Variants in OAF observed in about 807,000 individuals in gnomAD.
OAF encodes out at first homolog, also known as out at first protein homolog.
In OAF, 13 loss-of-function variants were observed where a neutral mutation model predicts 22.5. The observed-to-expected ratio is 0.58, with a 90% CI of 0.38 to 0.92. The LOEUF (loss-of-function observed/expected upper bound fraction) is 0.92. Among genes scored for constraint, OAF ranks in the 40% least tolerant of loss-of-function variants. OAF has a pLI of 0.00. For synonymous variants in OAF, 175 were observed against 170.5 expected (o/e 1.03, Z -0.21); for missense variants, 347 against 381.8 (o/e 0.91, Z 0.76).
chr11:120,211,553 G>GC, intron 1 of OAF, 43 bp downstream of exon 1: 9 of 1,345,236 alleles, frequency 6.7e-6, no homozygotes, highest in Admixed American at 3.0e-5. Context: ...TCAAGCCTGA[G>GC]CCCCCCGGGA....
At chr11:120,219,036 C>T (rs931725161) in intron 1 of OAF, among the ~76,000 whole-genome samples, 15 of 140,510 alleles carry the variant, frequency 1.1e-4, no homozygotes, top group Non-Finnish European at 2.0e-4. Flanking sequence ...CGGGAGGAGG[C>T]GTGTGAGGAG....
rs114218722 is a variant in OAF at position 120,228,675 on chromosome 11, C to T, written c.548-193C>T. Among the ~76,000 whole-genome samples, 887 of 152,280 alleles carry T rather than the reference C, an allele frequency of 5.8e-3. 10 individuals carry two copies. Among genetic ancestry groups the T allele is most frequent in the African/African-American group, 0.019 (810 of 41,544 alleles). On this transcript the variant is annotated intron_variant, in intron 3 of 3. Coordinates refer to ENST00000328965, the MANE Select transcript of OAF (RefSeq NM_178507.4). ...ATTCCTATTTAATCTGTTTCTCCCA[C>T]GAGCCCAGCAAGGAGGAGCCTAGTA... is the stretch of plus-strand genomic sequence containing the variant.
At chr11:120,221,663 G>C (rs1388751598) in intron 1 of OAF, among the ~76,000 whole-genome samples, 4 of 152,200 alleles carry the variant, frequency 2.6e-5, no homozygotes, top group Non-Finnish European at 4.4e-5. Context: ...ACTGGCTCCA[G>C]AGCCTTTGTT....
chr11:120,224,345 T>C (rs927242525), intron 1 of OAF, among the ~76,000 whole-genome samples: 12 of 152,156 alleles, frequency 7.9e-5, no homozygotes, highest in African/African-American at 2.9e-4. Context: ...CCTACAAGAG[T>C]AATCCCAGCT....
At chr11:120,217,217 A>G (rs961507118) in intron 1 of OAF, 1 of 152,286 alleles carries the variant, frequency 6.6e-6, no homozygotes, top group African/African-American at 2.4e-5. Context: ...CTACTTGGCC[A>G]TGCCTGCAAC....
chr11:120,218,100 G>A (rs975185168), intron 1 of OAF, among the ~76,000 whole-genome samples: 1 of 152,180 alleles, frequency 6.6e-6, no homozygotes, highest in Non-Finnish European at 1.5e-5. Flanking sequence ...AGTCAGGACA[G>A]TGGTGACCTT....
At chr11:120,227,114 C>A in intron 3 of OAF, 118 bp downstream of exon 3, 1 of 647,910 alleles carries the variant, frequency 1.5e-6, no homozygotes, top group Non-Finnish European at 2.6e-6. Context: ...TTAGCCAAGT[C>A]TCATCATTAG....
Position 120,211,389 on chromosome 11 carries a change from G to C in OAF, c.110G>C (p.Arg37Pro). 1 of 1,478,130 alleles carries C rather than the reference G, an allele frequency of 6.8e-7. No individual in the cohort carries two copies. Among genetic ancestry groups the C allele is most frequent in the South Asian group, 1.3e-5 (1 of 78,092 alleles). The allele number at this position is 1,478,130 out of a possible 1,614,324, so 91.6% of individuals were successfully genotyped here. The change falls in exon 1 of 4, where the codon CGG (arginine) becomes CCG (proline). Residue 37 changes from arginine to proline, a missense_variant. By Grantham distance (103) the Arg-to-Pro change is moderately radical. Coordinates refer to ENST00000328965, the MANE Select transcript of OAF (RefSeq NM_178507.4). ...CCGGCCGAGCTGCGGGTCCGCGTGC[G>C]GCTGCCGGACGGCCAGGTGACCGAG... is the stretch of plus-strand genomic sequence containing the variant. The part of the protein sequence containing the change: ...GAPAELRVRV[R>P]LPDGQVTEES...
intron 3 of OAF, 23 bp from the exon 4 acceptor site, chr11:120,228,845 T>TGATCCTTGCCTCTCTCCCC: frequency 3.2e-6 from 1 of 309,926 alleles, no homozygotes; most frequent in South Asian, 2.2e-5. Context: ...CCTCCCTCCC[T>TGATCCTTGCCTCTCTCCCC]GATCCTTGCC....
intron 1 of OAF, among the ~76,000 whole-genome samples, chr11:120,225,293 C>G (rs1938337987): frequency 6.6e-6 from 1 of 151,990 alleles, no homozygotes; most frequent in African/African-American, 2.4e-5. Context: ...AAAAGAGGAA[C>G]TCTGGAATCG....
chr11:120,229,147 G>A lies in OAF; in HGVS notation c.*5G>A, dbSNP rs1192428589. On this transcript the variant is annotated 3_prime_UTR_variant, in exon 4 of 4. Transcript: ENST00000328965. ...GAGGATCCCTACCCAGGCTAGGGTG[G>A]GAGCAACCTGGCGGGTGGCTGCTCT... is the stretch of plus-strand genomic sequence containing the variant. The A allele has an allele frequency of 6.2e-7, 1 of 1,605,944 alleles. No homozygotes were observed. The highest frequency in any genetic ancestry group is 8.5e-7 in the Non-Finnish European group (1 of 1,174,610).
rs761644882 is a variant in OAF, at chr11:120,227,004, G to T, written c.547+8G>T. ...GGTTCTGGCTGGAGCAAGGTCAGCT[G>T]GGAGCTGGGCACTGCCCGCTGCTGG... On this transcript the variant is annotated splice_region_variant and intron_variant, in intron 3 of 3. Coordinates refer to ENST00000328965, the MANE Select transcript of OAF (RefSeq NM_178507.4). 6.3e-7 allele frequency: 1 copy of T among 1,587,602 alleles called. No individual in the cohort carries two copies. The highest frequency in any genetic ancestry group is 8.6e-7 in the Non-Finnish European group (1 of 1,159,978).
intron 1 of OAF, among the ~76,000 whole-genome samples, chr11:120,219,316 C>T (rs758731036): frequency 6.6e-6 from 1 of 152,082 alleles, no homozygotes; most frequent in African/African-American, 2.4e-5. Context: ...ACGGTGTGCG[C>T]GAATGGGGAA....
chr11:120,229,382 A>T lies in OAF; in HGVS notation c.*240A>T. The T allele has an allele frequency of 5.4e-5, 13 of 240,542 alleles. No individual in the cohort carries two copies. The highest frequency in any genetic ancestry group is 1.3e-4 in the African/African-American group (3 of 23,420). The allele number at this position is 240,542 out of a possible 1,614,324, so 14.9% of individuals were successfully genotyped here. ...TTCCTTGCGGGCAGAGAGGGAGAGA[A>T]GGGCTCCCCAGATCTACACCCCTCC... On this transcript the variant is annotated 3_prime_UTR_variant, in exon 4 of 4. Coordinates refer to ENST00000328965, the MANE Select transcript of OAF (RefSeq NM_178507.4).
chr11:120,226,807 C>G lies in OAF; in HGVS notation c.367-9C>G, dbSNP rs1244369530. 4.4e-6 allele frequency: 7 copies of G among 1,583,386 alleles called. No individual in the cohort carries two copies. The Admixed American group carries it at 1.2e-4, about 27-fold the overall frequency. On this transcript the variant is annotated splice_polypyrimidine_tract_variant and intron_variant, in intron 2 of 3. Coordinates refer to ENST00000328965, the MANE Select transcript of OAF (RefSeq NM_178507.4). ...AGCCAGGTAGGAGTGACTTCTCTCC[C>G]ACACACAGAAAAATCCCCGGGCAGT...
At chr11:120,217,699 C>G (rs1288451769) in intron 1 of OAF, among the ~76,000 whole-genome samples, 1 of 152,218 alleles carries the variant, frequency 6.6e-6, no homozygotes, top group African/African-American at 2.4e-5. Context: ...GCCCCAGGCT[C>G]CTTGCCGGTA....
rs199755579 is a variant in OAF, at chr11:120,225,600, G to A, written c.232-61G>A. 64 of 1,464,376 alleles carry A rather than the reference G, an allele frequency of 4.4e-5. No individual in the cohort carries two copies. The East Asian group carries it at 8.7e-4, about 20-fold the overall frequency. The allele number at this position is 1,464,376 out of a possible 1,614,324, so 90.7% of individuals were successfully genotyped here. A position where few individuals can be genotyped will look rare whatever the true frequency, so the allele number is the denominator to read the frequency against. ...TGTTCAGGGGCCAAGCTGAGCACCCGGTGGGCCAGTGGGAAGGTCCCACAC... is the reference window on the plus strand; with the variant it reads ...TGTTCAGGGGCCAAGCTGAGCACCCAGTGGGCCAGTGGGAAGGTCCCACAC... On this transcript the variant is annotated intron_variant, in intron 1 of 3. Coordinates refer to ENST00000328965, the MANE Select transcript of OAF (RefSeq NM_178507.4).
At chr11:120,216,356 G>T (rs1203917567) in intron 1 of OAF, among the ~76,000 whole-genome samples, 2 of 152,234 alleles carry the variant, frequency 1.3e-5, no homozygotes, top group Non-Finnish European at 1.5e-5. Flanking sequence ...TACCCTGTCT[G>T]TGTTAGCACC....
In OAF at chr11:120,226,847, A is replaced by C. The variant is rs764731731; in HGVS notation, c.398A>C (p.Glu133Ala). 1.2e-6 allele frequency: 2 copies of C among 1,604,178 alleles called. No individual in the cohort carries two copies. Among genetic ancestry groups the C allele is most frequent in the African/African-American group, 2.7e-5 (2 of 74,780 alleles). Residue 133 changes from glutamate to alanine, a missense_variant, in exon 3 of 4, where the codon GAG (glutamate) becomes GCG (alanine). Physicochemically the swap from Glu to Ala is moderately radical, Grantham distance 107. Transcript: ENST00000328965. The stretch of plus-strand genomic sequence containing the variant: ...CCCCGGGCAGTGCGGCAGGCGGAGG[A>C]GGTTCGGGGTCTGGAGCATCTGCAC... ...KNPRAVRQAE[E>A]VRGLEHLHMD...
Sources: gnomAD v4.1 joint callset for allele counts (sites outside exome capture counted in the v4.1 genomes callset) on GRCh38, gnomAD v4.1.1 for gene constraint, MANE v1.5 for transcripts, NCBI Gene and HGNC (gene_info 2026-07-23, HGNC 2026-07-21) for gene names.